Variants in PDE3B observed in about 807,000 individuals in gnomAD.
The protein encoded by PDE3B is cGMP-inhibited 3',5'-cyclic phosphodiesterase 3B.
PDE3B carries 66 observed loss-of-function variants against 116.8 expected under a neutral mutation model. The observed-to-expected ratio is 0.56, with a 90% CI of 0.46 to 0.69. PDE3B has a LOEUF of 0.69. Among genes scored for constraint, PDE3B ranks in the 30% least tolerant of loss-of-function variants. The pLI is 0.00. For missense variants in PDE3B, 1,384 were observed against 1,368.1 expected, an observed-to-expected ratio of 1.01 and a Z score of -0.18; for synonymous variants, 595 against 533.6, an observed-to-expected ratio of 1.12 and a Z score of -1.59.
chr11:14,737,574 C>T (rs533749372), intron 1 of PDE3B, among the ~76,000 whole-genome samples: 1 of 152,244 alleles, frequency 6.6e-6, no homozygotes, highest in South Asian at 2.1e-4. Flanking sequence ...AGCAGCTCTT[C>T]TTTAAAAAAA....
At chr11:14,810,301 A>G (rs1384722425) in intron 5 of PDE3B, among the ~76,000 whole-genome samples, 7 of 146,054 alleles carry the variant, frequency 4.8e-5, no homozygotes, top group South Asian at 2.4e-4. Flanking sequence ...ATATCTCCCA[A>G]TGCTATCCCT....
chr11:14,831,882 A>G (rs1859895325), intron 9 of PDE3B, 105 bp downstream of exon 9: 3 of 670,738 alleles, frequency 4.5e-6, no homozygotes, highest in Non-Finnish European at 7.5e-6. Flanking sequence ...TTCAACAATG[A>G]CATTGTTCAT....
At chr11:14,764,394 AG>A (rs2133890656) in intron 1 of PDE3B, among the ~76,000 whole-genome samples, 1 of 152,242 alleles carries the variant, frequency 6.6e-6, no homozygotes, top group African/African-American at 2.4e-5. Flanking sequence ...GAAGGGCAAA[AG>A]ATGGATGTGG....
the PDE3B span, chr11:14,892,194 A>T: frequency 6.2e-7 from 1 of 1,609,982 alleles, no homozygotes; most frequent in Non-Finnish European, 8.5e-7. Flanking sequence ...CAGCTCTCCA[A>T]AGCTTCCACA....
At chr11:14,784,363 G>C (rs1306287215) in intron 2 of PDE3B, among the ~76,000 whole-genome samples, 2 of 152,156 alleles carry the variant, frequency 1.3e-5, no homozygotes, top group Non-Finnish European at 2.9e-5. Flanking sequence ...AACATCATCT[G>C]ATACTCAAGA....
At chr11:14,683,660 T>A (rs1854780512) in intron 1 of PDE3B, among the ~76,000 whole-genome samples, 1 of 152,100 alleles carries the variant, frequency 6.6e-6, no homozygotes, top group Non-Finnish European at 1.5e-5. Context: ...TTTTCTGTTA[T>A]CACTCTTATT....
chr11:14,676,608 TAAA>T (rs1278751039), intron 1 of PDE3B, among the ~76,000 whole-genome samples: 1 of 152,188 alleles, frequency 6.6e-6, no homozygotes, highest in Non-Finnish European at 1.5e-5. Context: ...ATGGACTTTA[TAAA>T]CACTGAACAC....
At chr11:14,694,754 G>A (rs1855153720) in intron 1 of PDE3B, among the ~76,000 whole-genome samples, 2 of 151,996 alleles carry the variant, frequency 1.3e-5, no homozygotes, top group South Asian at 4.2e-4. Context: ...GTATCTCCAA[G>A]GTATGCTTGC....
intron 2 of PDE3B, among the ~76,000 whole-genome samples, chr11:14,784,759 G>A (rs1858140449): frequency 6.6e-6 from 1 of 151,992 alleles, no homozygotes; most frequent in Non-Finnish European, 1.5e-5. Flanking sequence ...CTATGAAAAT[G>A]ATTTTTTTTT....
At chr11:14,814,176 A>G (rs1377137823) in intron 5 of PDE3B, among the ~76,000 whole-genome samples, 3 of 152,184 alleles carry the variant, frequency 2.0e-5, no homozygotes, top group Non-Finnish European at 4.4e-5. Flanking sequence ...GAAATACTGA[A>G]CATTTTTCTC....
intron 1 of PDE3B, among the ~76,000 whole-genome samples, chr11:14,727,030 C>T (rs1856327890): frequency 6.6e-6 from 1 of 152,142 alleles, no homozygotes; most frequent in African/African-American, 2.4e-5. Flanking sequence ...AGGATTGATT[C>T]ATAATCCCTT....
chr11:14,644,193 C>A lies in PDE3B; in HGVS notation c.118C>A (p.Arg40=). The change falls in exon 1 of 16, where the codon CGG becomes AGG. Residue 40 remains arginine (R), a synonymous_variant. Coordinates refer to ENST00000282096, the MANE Select transcript of PDE3B (RefSeq NM_000922.4). The part of the protein sequence containing the change: ...GYVKSCVSPL[R]QDPPRGFFFH... ...CGTGAAGAGCTGCGTGAGCCCCTTGCGGCAGGACCCTCCGCGCGGCTTCTT... is the reference window on the plus strand; with the variant it reads ...CGTGAAGAGCTGCGTGAGCCCCTTGAGGCAGGACCCTCCGCGCGGCTTCTT... 1 of 1,597,100 alleles carries A rather than the reference C, an allele frequency of 6.3e-7. No homozygotes were observed. The highest frequency in any genetic ancestry group is 8.5e-7 in the Non-Finnish European group (1 of 1,177,756).
At chr11:14,777,274 C>G (rs894014639) in intron 2 of PDE3B, among the ~76,000 whole-genome samples, 2 of 152,046 alleles carry the variant, frequency 1.3e-5, no homozygotes, top group South Asian at 4.1e-4. Flanking sequence ...AACAAAGAAC[C>G]AACATTTGTA....
At chr11:14,804,360 A>AT (rs371822867) in intron 5 of PDE3B, among the ~76,000 whole-genome samples, 109 of 148,494 alleles carry the variant, frequency 7.3e-4, no homozygotes, top group African/African-American at 2.0e-3. Context: ...AAGAAAGAGT[A>AT]TTTTTTTTTT....
chr11:14,839,213 A>T (rs945147589), intron 11 of PDE3B, among the ~76,000 whole-genome samples: 1 of 152,340 alleles, frequency 6.6e-6, no homozygotes, highest in African/African-American at 2.4e-5. Context: ...TTGAGTAAAC[A>T]TATTCAGCAA....
At chr11:14,674,579 C>A in intron 1 of PDE3B, 1 of 334,512 alleles carries the variant, frequency 3.0e-6, no homozygotes. Context: ...GCTGTCTCCT[C>A]CTTCTCCTAC....
chr11:14,737,198 CT>C (rs71044022), intron 1 of PDE3B, among the ~76,000 whole-genome samples: 92,510 of 146,478 alleles, frequency 0.63, 28,834 homozygotes, highest in Middle Eastern at 0.7. Flanking sequence ...AGGCTGCCTT[CT>C]TTTTTTTTTT....
At chr11:14,761,741 T>A (rs1384019562) in intron 1 of PDE3B, among the ~76,000 whole-genome samples, 2 of 152,120 alleles carry the variant, frequency 1.3e-5, no homozygotes, top group Non-Finnish European at 2.9e-5. Context: ...TTGCTTAATT[T>A]TAATCACAAT....
intron 2 of PDE3B, chr11:14,775,920 T>A (rs907120742): frequency 1.8e-4 from 28 of 152,240 alleles, no homozygotes; most frequent in African/African-American, 6.5e-4. Context: ...CTATACTTTA[T>A]ATGCTCTGCA....
Sources: allele counts gnomAD v4.1 joint callset (sites outside exome capture counted in the v4.1 genomes callset), GRCh38; gene constraint gnomAD v4.1.1; transcripts MANE v1.5; gene names NCBI Gene and HGNC (gene_info 2026-07-23, HGNC 2026-07-21).